The following IGF1R variants were observed in gnomAD, a reference collection of about 807,000 sequenced individuals.
The protein encoded by IGF1R is insulin like growth factor 1 receptor, also known as insulin-like growth factor 1 receptor.
A neutral mutation model predicts 144.6 loss-of-function variants in IGF1R; 44 were observed. That is an observed-to-expected ratio of 0.30 (90% CI 0.24 to 0.39). IGF1R has a LOEUF of 0.39. Ranked by LOEUF, IGF1R falls within the 10% of genes least tolerant of loss-of-function variation. IGF1R has a pLI of 1.00. For missense variants in IGF1R, 1,355 were observed against 1,833.7 expected (o/e 0.74, Z 4.77); for synonymous variants, 795 against 722.8 (o/e 1.10, Z -1.60).
intron 2 of IGF1R, among the ~76,000 whole-genome samples, chr15:98,792,083 G>C (rs913088570): frequency 1.3e-5 from 2 of 152,110 alleles, no homozygotes; most frequent in Non-Finnish European, 2.9e-5. Context: ...TACCCTATAA[G>C]GTCCCCAAAT....
intron 2 of IGF1R, among the ~76,000 whole-genome samples, chr15:98,723,836 A>G (rs1026855475): frequency 6.6e-6 from 1 of 152,132 alleles, no homozygotes; most frequent in Non-Finnish European, 1.5e-5. Flanking sequence ...TTTTTTTTAA[A>G]TGCATGTTCT....
intron 2 of IGF1R, among the ~76,000 whole-genome samples, chr15:98,774,218 GA>G (rs2055658052): frequency 6.6e-6 from 1 of 152,152 alleles, no homozygotes; most frequent in African/African-American, 2.4e-5. Context: ...CCTGTGCTTA[GA>G]AATGCTGCCT....
chr15:98,679,949 TA>T (rs200754035), intron 1 of IGF1R, among the ~76,000 whole-genome samples: 12 of 143,806 alleles, frequency 8.3e-5, no homozygotes, highest in African/African-American at 1.3e-4. Context: ...TTTAAAAAGT[TA>T]AAAAAAAAAG....
At chr15:98,834,045 T>G (rs892232400) in intron 2 of IGF1R, among the ~76,000 whole-genome samples, 1 of 152,236 alleles carries the variant, frequency 6.6e-6, no homozygotes, top group Non-Finnish European at 1.5e-5. Context: ...TTGCCAGATG[T>G]CATCTCCTAA....
intron 2 of IGF1R, among the ~76,000 whole-genome samples, chr15:98,757,846 C>T (rs1034577290): frequency 6.6e-6 from 1 of 152,088 alleles, no homozygotes; most frequent in Non-Finnish European, 1.5e-5. Flanking sequence ...CAATGGTTGC[C>T]ATTTATTTTA....
chr15:98,858,361 G>A (rs2670504), intron 2 of IGF1R, among the ~76,000 whole-genome samples: 27,158 of 152,188 alleles, frequency 0.18, 3,159 homozygotes, highest in East Asian at 0.42. Flanking sequence ...AATTCATTTT[G>A]TCTTCATTCC....
At chr15:98,760,792 G>A (rs768183329) in intron 2 of IGF1R, among the ~76,000 whole-genome samples, 1 of 152,222 alleles carries the variant, frequency 6.6e-6, no homozygotes, top group Non-Finnish European at 1.5e-5. Context: ...GTCCAATTTG[G>A]AGAGTATTAT....
At chr15:98,924,834 AC>A in intron 13 of IGF1R, 150 bp downstream of exon 13, 1 of 759,020 alleles carries the variant, frequency 1.3e-6, no homozygotes, top group Non-Finnish European at 2.3e-6. Context: ...GCCGGCACAT[AC>A]CGGCACTGTG....
chr15:98,904,021 T>A (rs570949729), intron 5 of IGF1R, among the ~76,000 whole-genome samples: 1 of 151,878 alleles, frequency 6.6e-6, no homozygotes, highest in Admixed American at 6.6e-5. Context: ...TTGTGTAAAT[T>A]TACGGAAGCT....
chr15:98,650,265 G>C (rs933133045), intron 1 of IGF1R, among the ~76,000 whole-genome samples: 21 of 152,200 alleles, frequency 1.4e-4, no homozygotes, highest in African/African-American at 4.8e-4. Context: ...GCTGCCTCCC[G>C]TCGCCCAACG....
intron 1 of IGF1R, among the ~76,000 whole-genome samples, chr15:98,650,188 C>T (rs111644417): frequency 1.3e-5 from 2 of 152,230 alleles, no homozygotes; most frequent in Admixed American, 6.5e-5. Flanking sequence ...GTGCGAGTTG[C>T]CCTCGAGGGG....
At chr15:98,667,468 T>G (rs2052772548) in intron 1 of IGF1R, among the ~76,000 whole-genome samples, 1 of 152,238 alleles carries the variant, frequency 6.6e-6, no homozygotes, top group Non-Finnish European at 1.5e-5. Flanking sequence ...GGCTTCGCCT[T>G]ACAGGCCAGG....
intron 1 of IGF1R, among the ~76,000 whole-genome samples, chr15:98,676,636 ATTC>A (rs1392917803): frequency 6.6e-6 from 1 of 152,042 alleles, no homozygotes; most frequent in South Asian, 2.1e-4. Flanking sequence ...TGTTTTTGCA[ATTC>A]TTCTCCGCTA....
intron 2 of IGF1R, among the ~76,000 whole-genome samples, chr15:98,843,610 C>T (rs2011216107): frequency 6.6e-6 from 1 of 151,974 alleles, no homozygotes; most frequent in South Asian, 2.1e-4. Context: ...AGATAGGAGA[C>T]CTAGCTTTTC....
At chr15:98,875,806 G>T (rs1367336628) in intron 2 of IGF1R, among the ~76,000 whole-genome samples, 1 of 152,196 alleles carries the variant, frequency 6.6e-6, no homozygotes, top group East Asian at 1.9e-4. Flanking sequence ...GGATCTGGGA[G>T]CACGGTGCTA....
chr15:98,889,880 G>C (rs533808507), intron 2 of IGF1R, among the ~76,000 whole-genome samples: 6 of 152,228 alleles, frequency 3.9e-5, no homozygotes, highest in Non-Finnish European at 8.8e-5. Context: ...AAATAATTTT[G>C]TATTGTTTTC....
intron 2 of IGF1R, among the ~76,000 whole-genome samples, chr15:98,723,816 G>T (rs1397778910): frequency 6.6e-6 from 1 of 152,156 alleles, no homozygotes; most frequent in Non-Finnish European, 1.5e-5. Context: ...TATTATGAAG[G>T]CATTTAGATT....
intron 2 of IGF1R, among the ~76,000 whole-genome samples, chr15:98,801,970 A>G (rs2056373715): frequency 6.6e-6 from 1 of 152,124 alleles, no homozygotes; most frequent in African/African-American, 2.4e-5. Flanking sequence ...CAGCAAGGGC[A>G]TAGGTACCTG....
chr15:98,936,341 C>G (rs546282722), intron 17 of IGF1R, among the ~76,000 whole-genome samples: 6 of 152,224 alleles, frequency 3.9e-5, no homozygotes, highest in African/African-American at 1.2e-4. Flanking sequence ...GTGTCTCCCC[C>G]CTCTGTAGTA....
Sources: allele counts gnomAD v4.1 joint callset (sites outside exome capture counted in the v4.1 genomes callset), GRCh38; gene constraint gnomAD v4.1.1; transcripts MANE v1.5; gene names NCBI Gene and HGNC (gene_info 2026-07-23, HGNC 2026-07-21).